The following ABCA6 variants were observed in gnomAD, a reference collection of about 807,000 sequenced individuals.
The protein encoded by ABCA6 is ATP binding cassette subfamily A member 6.
In ABCA6, 164 loss-of-function variants were observed where a neutral mutation model predicts 191.2. The ratio of observed to expected loss-of-function variants is 0.86; its 90% confidence interval spans 0.76 to 0.98. The LOEUF (loss-of-function observed/expected upper bound fraction) is 0.98, where lower values mean the gene tolerates loss of function less well. ABCA6 is among the 50% of genes least tolerant of loss of function. The probability of loss-of-function intolerance (pLI) is 0.00; values close to 1 mark genes in which losing one functional copy is unlikely to be tolerated. For missense variants in ABCA6, 1,958 were observed against 1,894.1 expected, an observed-to-expected ratio of 1.03 and a Z score of -0.63; for synonymous variants, 636 against 647.7, an observed-to-expected ratio of 0.98 and a Z score of 0.27.
chr17:69,082,895 G>C lies in ABCA6; in HGVS notation c.4594C>G (p.Pro1532Ala), dbSNP rs1829085278. The change falls in exon 36 of 39, where the codon CCA (proline) becomes GCA (alanine). Residue 1532 changes from proline to alanine, a missense_variant. Transcript: ENST00000284425. ...LVHTEILKLF[P>A]QAAGQERYSS... ...CACCTTTCCTGCCCTGCAGCCTGTG[G>C]GAAAAGCTTCAGAATCTCAGTGTGG... 6.2e-7 allele frequency: 1 copy of C among 1,614,112 alleles called. No individual in the cohort carries two copies.
In ABCA6 at chr17:69,086,693, C is replaced by T; in HGVS notation, c.3862G>A (p.Gly1288Ser). 1.2e-6 allele frequency: 2 copies of T among 1,612,304 alleles called. No homozygotes were observed. Among genetic ancestry groups the T allele is most frequent in the South Asian group, 2.2e-5 (2 of 91,006 alleles). ...IASCLHKEYAGQKKSCFSKRK... is the reference protein window; with the variant it reads ...IASCLHKEYASQKKSCFSKRK... ...TTTGAAAAGCAACTTTTCTTCTGGC[C>T]TGCATATTCTTTGTGTAGACAGCTG... is the stretch of plus-strand genomic sequence containing the variant. Residue 1288 changes from glycine to serine, a missense_variant, in exon 30 of 39, where the codon GGC becomes AGC. Transcript: ENST00000284425.
Position 69,085,141 on chromosome 17 carries a change from C to A in ABCA6, c.4071G>T (p.Gly1357=). ...KGCSSVLGHL[G]YCPQENVLWP... is the part of the protein sequence containing the mutation. ...ACAGCACGTTCTCTTGAGGGCAGTACCCCAGGTGGCCCAAAACTGAACTGC... is the reference window on the plus strand; with the variant it reads ...ACAGCACGTTCTCTTGAGGGCAGTAACCCAGGTGGCCCAAAACTGAACTGC... The change falls in exon 32 of 39, where the codon GGG becomes GGT. Residue 1357 remains glycine (G), a synonymous_variant. Coordinates refer to ENST00000284425, the MANE Select transcript of ABCA6 (RefSeq NM_080284.3). 1 of 1,611,898 alleles carries A rather than the reference C, an allele frequency of 6.2e-7. No individual in the cohort carries two copies.
At position 69,084,300 on chromosome 17, in the gene ABCA6, G is replaced by T. The variant is rs367608921; in HGVS notation, c.4316C>A (p.Pro1439Gln). Residue 1439 changes from proline to glutamine, a missense_variant, in exon 34 of 39, where the codon CCA (proline) becomes CAA (glutamine). Physicochemically the swap from Pro to Gln is moderately conservative, Grantham distance 76. Coordinates refer to ENST00000284425, the MANE Select transcript of ABCA6 (RefSeq NM_080284.3). ...GNSPVLLLDE[P>Q]STGIDPTGQQ... ...CCCTGTGGGGTCTATGCCCGTAGAT[G>T]GTTCATCCAGGAGCAAGACAGGTGA... 6.2e-7 allele frequency: 1 copy of T among 1,614,000 alleles called. No individual in the cohort carries two copies. Among genetic ancestry groups the T allele is most frequent in the Non-Finnish European group, 8.5e-7 (1 of 1,180,028 alleles).
chr17:69,114,298 G>T (rs2073492281), intron 13 of ABCA6, among the ~76,000 whole-genome samples: 1 of 151,304 alleles, frequency 6.6e-6, no homozygotes, highest in Non-Finnish European at 1.5e-5. Context: ...ATCATTCTCA[G>T]CAAACTATCG....
At position 69,083,248 on chromosome 17, in the gene ABCA6, C is replaced by T; in HGVS notation, c.4439G>A (p.Cys1480Tyr). 2 of 1,609,832 alleles carry T rather than the reference C, an allele frequency of 1.2e-6. No homozygotes were observed. The highest frequency in any genetic ancestry group is 1.7e-6 in the Non-Finnish European group (2 of 1,178,892). The part of the protein sequence containing the change: ...THNLAEAEAL[C>Y]DRVAIMVSGR... ...AGACACCATGATGGCCACACGGTCA[C>T]ACAAGGCTTCCGCCTCAGCCAGGTT... The change falls in exon 35 of 39, where the codon TGT becomes TAT. Residue 1480 changes from cysteine (C) to tyrosine (Y), a missense_variant. Transcript: ENST00000284425.
chr17:69,102,253 G>A (rs2073198063), intron 21 of ABCA6, among the ~76,000 whole-genome samples: 1 of 152,098 alleles, frequency 6.6e-6, no homozygotes, highest in Non-Finnish European at 1.5e-5. Flanking sequence ...GGCTGAGGCA[G>A]GAGTCACTGG....
Position 69,100,757 on chromosome 17 carries a change from C to A in ABCA6, c.3012+40G>T, listed in dbSNP as rs773450946. The A allele has an allele frequency of 3.9e-6, 6 of 1,531,750 alleles. No individual in the cohort carries two copies. The African/African-American group carries it at 4.2e-5, about 11-fold the overall frequency. 94.9% of individuals were successfully genotyped at this position (1,531,750 alleles called of 1,614,324 possible). On this transcript the variant is annotated intron_variant, in intron 22 of 38. Transcript: ENST00000284425. ...AGAGAGAAAACATAGGCTATTTGTC[C>A]AATTCTTAATTGTTTAGACTCAGTA...
chr17:69,086,484 TAA>T, intron 30 of ABCA6, 132 bp downstream of exon 30: 4 of 100,720 alleles, frequency 4.0e-5, no homozygotes, highest in Non-Finnish European at 4.8e-5. Context: ...CCTGGCACAC[TAA>T]ATATATATAT....
chr17:69,087,551 T>A, intron 28 of ABCA6, 78 bp from the exon 29 acceptor site: 1 of 1,555,882 alleles, frequency 6.4e-7, no homozygotes. Context: ...TTCCTGTGAT[T>A]TTACTACTGT....
rs1261874979 is a variant in ABCA6, at chr17:69,141,796, C to G, written c.-97G>C. The G allele has an allele frequency of 6.6e-6, 1 of 152,058 alleles. No homozygotes were observed. 9.4% of individuals were successfully genotyped at this position (152,058 alleles called of 1,614,324 possible). A position where few individuals can be genotyped will look rare whatever the true frequency, so the allele number is the denominator to read the frequency against. ...TAGAAACACTGTCAAAACCAGTTCT[C>G]TGTTTGTCTAGGTAACGATTACAAC... On this transcript the variant is annotated 5_prime_UTR_variant, in exon 1 of 39. Transcript: ENST00000284425.
chr17:69,115,673 T>G lies in ABCA6; in HGVS notation c.1496-187A>C, dbSNP rs2073524954. 10 of 420,454 alleles carry G rather than the reference T, an allele frequency of 2.4e-5. No homozygotes were observed. In the East Asian group the frequency reaches 3.6e-4, roughly 15 times the overall value. The allele number at this position is 420,454 out of a possible 1,614,324, so 26.0% of individuals were successfully genotyped here. ...AAAATAATATGTGACAGAACTATAA[T>G]AATTAAAATAATATGTTACTGGTGC... On this transcript the variant is annotated intron_variant, in intron 11 of 38. Coordinates refer to ENST00000284425, the MANE Select transcript of ABCA6 (RefSeq NM_080284.3).
intron 31 of ABCA6, 137 bp downstream of exon 31, chr17:69,085,488 A>T: frequency 2.8e-6 from 2 of 702,766 alleles, no homozygotes; most frequent in Non-Finnish European, 4.5e-6. Flanking sequence ...GTAAAAATTT[A>T]AAGAGGGGAA....
At chr17:69,097,635 T>TG (rs1421433769) in intron 23 of ABCA6, among the ~76,000 whole-genome samples, 2 of 152,226 alleles carry the variant, frequency 1.3e-5, no homozygotes, top group Non-Finnish European at 2.9e-5. Context: ...TTCTTGTGGC[T>TG]GGGAAATAAT....
intron 13 of ABCA6, 147 bp downstream of exon 13, chr17:69,114,615 C>G: frequency 1.4e-6 from 1 of 712,272 alleles, no homozygotes; most frequent in Non-Finnish European, 2.3e-6. Flanking sequence ...TTTAACCACT[C>G]ATTAAAGCAG....
intron 21 of ABCA6, among the ~76,000 whole-genome samples, chr17:69,102,394 C>T (rs1053324556): frequency 5.3e-5 from 8 of 152,144 alleles, no homozygotes; most frequent in Non-Finnish European, 1.0e-4. Context: ...TATGGCTTGA[C>T]TCTTTTACCC....
At position 69,082,892 on chromosome 17, in the gene ABCA6, G is replaced by A. The variant is rs1386471968; in HGVS notation, c.4597C>T (p.Gln1533Ter). ...TCTCACCTTTCCTGCCCTGCAGCCT[G>A]TGGGAAAAGCTTCAGAATCTCAGTG... ...VHTEILKLFPQAAGQERYSSL... is the reference protein window; with the variant it reads ...VHTEILKLFP The change falls in exon 36 of 39, where the codon CAG (glutamine) becomes TAG (stop). Residue 1533 changes from glutamine (Q) to a stop codon, truncating the protein, a stop_gained. Transcript: ENST00000284425. LOFTEE classifies it high-confidence loss of function. 7 of 1,614,190 alleles carry A rather than the reference G, an allele frequency of 4.3e-6. No individual in the cohort carries two copies. In the South Asian group the frequency reaches 7.7e-5, roughly 18 times the overall value.
intron 32 of ABCA6, among the ~76,000 whole-genome samples, chr17:69,084,782 A>G (rs535257875): frequency 6.6e-6 from 1 of 152,270 alleles, no homozygotes; most frequent in South Asian, 2.1e-4. Context: ...GAAAACTGAA[A>G]TGGATGACGA....
intron 20 of ABCA6, 65 bp downstream of exon 20, chr17:69,105,397 C>G: frequency 7.0e-7 from 1 of 1,432,564 alleles, no homozygotes; most frequent in Non-Finnish European, 9.5e-7. Context: ...CCCCCCCCCA[C>G]CTCCTGTGCT....
At position 69,106,017 on chromosome 17, in the gene ABCA6, C is replaced by T. The variant is rs1336062217; in HGVS notation, c.2573+11G>A. 6.2e-7 allele frequency: 1 copy of T among 1,600,686 alleles called. No homozygotes were observed. The highest frequency in any genetic ancestry group is 2.2e-5 in the East Asian group (1 of 44,634). ...CATGATCTAACAAAACCACAGTACT[C>T]TCCTACTCACAGGGTCAATAACACT... On this transcript the variant is annotated intron_variant, in intron 19 of 38. Transcript: ENST00000284425.
Sources: allele counts gnomAD v4.1 joint callset (sites outside exome capture counted in the v4.1 genomes callset), GRCh38; gene constraint gnomAD v4.1.1; transcripts MANE v1.5; gene names NCBI Gene and HGNC (gene_info 2026-07-23, HGNC 2026-07-21).